The following PTPRG variants were observed in gnomAD, a reference collection of about 807,000 sequenced individuals.
PTPRG encodes the protein receptor-type tyrosine-protein phosphatase gamma.
Under a neutral mutation model 165.3 loss-of-function variants are expected in PTPRG, and 102 were observed. The ratio of observed to expected loss-of-function variants is 0.62; its 90% CI spans 0.53 to 0.73. The LOEUF is 0.73. PTPRG is among the 30% of genes least tolerant of loss of function. PTPRG has a pLI of 0.00. For missense variants in PTPRG, 1,866 were observed against 1,861.4 expected (o/e 1.00, Z -0.05); for synonymous variants, 675 against 669.5 (o/e 1.01, Z -0.13).
intron 2 of PTPRG, among the ~76,000 whole-genome samples, chr3:61,805,371 G>A (rs775346163): frequency 2.0e-5 from 3 of 152,072 alleles, no homozygotes; most frequent in Non-Finnish European, 4.4e-5. Context: ...CATAAGGGAT[G>A]TTTTCTAGGC....
At chr3:61,852,497 T>G (rs1005276322) in intron 2 of PTPRG, among the ~76,000 whole-genome samples, 4 of 152,206 alleles carry the variant, frequency 2.6e-5, no homozygotes, top group African/African-American at 9.7e-5. Flanking sequence ...CCTGAAGAGT[T>G]TTTTAAAAAC....
At chr3:61,699,550 C>T (rs1430800689) in intron 1 of PTPRG, among the ~76,000 whole-genome samples, 1 of 152,146 alleles carries the variant, frequency 6.6e-6, no homozygotes, top group African/African-American at 2.4e-5. Context: ...TTGAGAGTTT[C>T]TTTGTCATCT....
intron 2 of PTPRG, chr3:61,753,585 G>GTT (rs10640815): frequency 0.015 from 5,402 of 362,210 alleles, 92 homozygotes; most frequent in African/African-American, 0.049. Context: ...AAATTTGAGG[G>GTT]TTTTTTTTTT....
intron 7 of PTPRG, among the ~76,000 whole-genome samples, chr3:62,166,961 G>A (rs1407892211): frequency 1.3e-5 from 2 of 152,160 alleles, no homozygotes; most frequent in African/African-American, 4.8e-5. Flanking sequence ...GGAATTATAG[G>A]CTTGAGTCAC....
At chr3:61,742,290 G>A (rs927683341) in intron 1 of PTPRG, among the ~76,000 whole-genome samples, 6 of 151,936 alleles carry the variant, frequency 3.9e-5, no homozygotes, top group African/African-American at 1.5e-4. Context: ...AACTATGTCC[G>A]GTGGCTCTGG....
At position 62,224,640 on chromosome 3, in the gene PTPRG, A is replaced by G. The variant is rs1434484817; in HGVS notation, c.2288+5657A>G. Among the ~76,000 whole-genome samples the G allele has an allele frequency of 2.0e-5, 3 of 152,226 alleles. No homozygotes were observed. Among genetic ancestry groups the G allele is most frequent in the East Asian group, 1.9e-4 (1 of 5,196 alleles). On this transcript the variant is annotated intron_variant, in intron 13 of 29. Transcript: ENST00000474889. This position sits in a 1 kb window ranked among gnomAD's most constrained non-coding sequence, Gnocchi z 4.9. ...CTGAAAGGGAGAACTTTGGAGACCA[A>G]TCATTAGTCTGTACTTAAAATTTGG...
At chr3:62,288,856 A>G (rs1172242255) in intron 28 of PTPRG, among the ~76,000 whole-genome samples, 1 of 152,174 alleles carries the variant, frequency 6.6e-6, no homozygotes, top group Non-Finnish European at 1.5e-5. Context: ...TGATCATTAT[A>G]ACTGAATGAT....
chr3:61,590,302 A>C (rs1411494457), intron 1 of PTPRG, among the ~76,000 whole-genome samples: 1 of 151,828 alleles, frequency 6.6e-6, no homozygotes, highest in Non-Finnish European at 1.5e-5. Flanking sequence ...TGGGCGGATC[A>C]CTTGAGGTCA....
intron 2 of PTPRG, among the ~76,000 whole-genome samples, chr3:61,880,812 G>A (rs1349945858): frequency 1.3e-5 from 2 of 152,102 alleles, no homozygotes; most frequent in African/African-American, 4.8e-5. Context: ...TATGGACCAC[G>A]GTAACGTGGA....
chr3:61,725,476 A>T (rs1394373463), intron 1 of PTPRG, among the ~76,000 whole-genome samples: 4 of 152,132 alleles, frequency 2.6e-5, no homozygotes, highest in Non-Finnish European at 5.9e-5. Context: ...TCCTTCCTCC[A>T]TTGAACTGCC....
intron 2 of PTPRG, among the ~76,000 whole-genome samples, chr3:61,877,284 A>AT (rs1250467568): frequency 6.6e-6 from 1 of 152,200 alleles, no homozygotes; most frequent in Non-Finnish European, 1.5e-5. Flanking sequence ...TTGGATATTT[A>AT]TTATTTTCTA....
At chr3:61,915,677 C>T (rs1559686395) in intron 2 of PTPRG, among the ~76,000 whole-genome samples, 1 of 151,464 alleles carries the variant, frequency 6.6e-6, no homozygotes, top group African/African-American at 2.4e-5. Flanking sequence ...TTTCTTCTTT[C>T]TATTTTATTT....
intron 1 of PTPRG, among the ~76,000 whole-genome samples, chr3:61,711,928 T>G (rs1299896612): frequency 6.6e-6 from 1 of 150,572 alleles, no homozygotes; most frequent in African/African-American, 2.4e-5. Flanking sequence ...AGTTTCACTC[T>G]TGTTGCCCAG....
intron 1 of PTPRG, among the ~76,000 whole-genome samples, chr3:61,708,089 GT>G (rs56702793): frequency 2.0e-5 from 3 of 149,710 alleles, no homozygotes; most frequent in East Asian, 3.9e-4. Context: ...ACACCCAGTA[GT>G]TTTTTTTTTA....
chr3:62,063,754 C>T (rs1700903089), intron 4 of PTPRG, among the ~76,000 whole-genome samples: 2 of 152,182 alleles, frequency 1.3e-5, no homozygotes, highest in Admixed American at 1.3e-4. Flanking sequence ...CCTCCTGCCT[C>T]ATCCTCCCAA....
intron 6 of PTPRG, among the ~76,000 whole-genome samples, chr3:62,145,936 G>T (rs1276947009): frequency 1.3e-5 from 2 of 152,134 alleles, no homozygotes. Flanking sequence ...CTAACTTTCT[G>T]ATAACTGTCA....
intron 4 of PTPRG, among the ~76,000 whole-genome samples, chr3:62,015,837 A>G (rs894168212): frequency 6.6e-6 from 1 of 152,184 alleles, no homozygotes; most frequent in Non-Finnish European, 1.5e-5. Context: ...TGGAGGGGAT[A>G]TCATGTTGAT....
chr3:61,801,856 A>G (rs181786440), intron 2 of PTPRG, among the ~76,000 whole-genome samples: 9 of 152,194 alleles, frequency 5.9e-5, no homozygotes, highest in Admixed American at 6.5e-5. Flanking sequence ...CGGCTCTACT[A>G]AAAATACACA....
At chr3:61,993,718 A>G (rs1278898873) in intron 3 of PTPRG, among the ~76,000 whole-genome samples, 8 of 152,202 alleles carry the variant, frequency 5.3e-5, no homozygotes, top group Non-Finnish European at 1.5e-5. Flanking sequence ...TGCATACCTA[A>G]AAGTATTTTA....
Sources: allele counts gnomAD v4.1 joint callset (sites outside exome capture counted in the v4.1 genomes callset), GRCh38; gene constraint gnomAD v4.1.1; non-coding constraint Gnocchi (gnomAD v3.1); transcripts MANE v1.5; gene names NCBI Gene and HGNC (gene_info 2026-07-23, HGNC 2026-07-21).